DLK2: variants seen among roughly 807,000 people sequenced by gnomAD.
DLK2 encodes the protein protein delta homolog 2.
A neutral mutation model predicts 31.3 loss-of-function variants in DLK2; 9 were observed. That is an observed-to-expected ratio of 0.29 (90% CI 0.17 to 0.50). The LOEUF (loss-of-function observed/expected upper bound fraction) is 0.50, where lower values mean the gene tolerates loss of function less well. Among genes scored for constraint, DLK2 ranks in the 20% least tolerant of loss-of-function variants. The pLI is 0.98. For synonymous variants in DLK2, 169 were observed against 201.2 expected, an observed-to-expected ratio of 0.84 and a Z score of 1.35; for missense variants, 387 against 526.1, an observed-to-expected ratio of 0.74 and a Z score of 2.59.
In DLK2 at chr6:43,450,440, C is replaced by T; in HGVS notation, c.*99G>A. The T allele has an allele frequency of 3.7e-6, 5 of 1,365,444 alleles. No individual in the cohort carries two copies. The highest frequency in any genetic ancestry group is 4.8e-5 in the East Asian group (2 of 41,704). 84.6% of individuals were successfully genotyped at this position (1,365,444 alleles called of 1,614,324 possible). A position where few individuals can be genotyped will look rare whatever the true frequency, so the allele number is the denominator to read the frequency against. On this transcript the variant is annotated 3_prime_UTR_variant, in exon 6 of 6. Transcript: ENST00000372488. The surrounding 1 kb of genome is among the most constrained non-coding windows in gnomAD (Gnocchi z 4.5). ...ATTTCTGGTGTGAGGCTGAGGTCTC[C>T]TCTGTGTGTGTACCCAAGCTGAAGG... is the stretch of plus-strand genomic sequence containing the variant.
intron 4 of DLK2, 97 bp downstream of exon 4, chr6:43,452,908 G>T: frequency 6.6e-7 from 1 of 1,524,860 alleles, no homozygotes; most frequent in Non-Finnish European, 8.9e-7. Context: ...GTATTTGAGG[G>T]TTTGACAAGG....
upstream of DLK2, chr6:43,456,589 C>A: frequency 6.6e-6 from 1 of 152,196 alleles, no homozygotes; most frequent in East Asian, 1.9e-4. Context: ...GTGGTGCGCG[C>A]CTGTAATCCC....
chr6:43,450,693 C>G lies in DLK2; in HGVS notation c.998G>C (p.Arg333Pro), dbSNP rs371794983. The G allele has an allele frequency of 6.2e-7, 1 of 1,613,858 alleles. No individual in the cohort carries two copies. The highest frequency in any genetic ancestry group is 8.5e-7 in the Non-Finnish European group (1 of 1,179,924). Residue 333 changes from arginine (R) to proline (P), a missense_variant, in exon 6 of 6, where the codon CGC (arginine) becomes CCC (proline). By Grantham distance (103) the Arg-to-Pro change is moderately radical. Transcript: ENST00000372488. This position sits in a 1 kb window ranked among gnomAD's most constrained non-coding sequence, Gnocchi z 4.5. ...GGGTCCAGGGGGGCAGACACCCCGG[C>G]GCCAGGCCCTCAGGGTCAGCAACAC... is the stretch of plus-strand genomic sequence containing the variant. Reference protein sequence around the residue: ...ATVLLTLRAWRRGVCPPGPCC... With the variant: ...ATVLLTLRAWPRGVCPPGPCC...
intron 3 of DLK2, among the ~76,000 whole-genome samples, chr6:43,454,110 T>A (rs576989762): frequency 6.6e-6 from 1 of 152,214 alleles, no homozygotes; most frequent in African/African-American, 2.4e-5. Context: ...TTTCCCTTTT[T>A]CCTTTATCTT....
rs1783752638 is a variant in DLK2 at position 43,451,726 on chromosome 6, C to T, written c.416+214G>A. On this transcript the variant is annotated intron_variant, in intron 5 of 5. Transcript: ENST00000372488. The surrounding 1 kb of genome is among the most constrained non-coding windows in gnomAD (Gnocchi z 4.4). ...CACACGTTTGTTACCCCTCTAGCTC[C>T]TATAGATTGTTGAAGAAATGGCTCA... Among the ~76,000 whole-genome samples, 1 of 152,042 alleles carries T rather than the reference C, an allele frequency of 6.6e-6. No homozygotes were observed. The highest frequency in any genetic ancestry group is 2.1e-4 in the South Asian group (1 of 4,822).
chr6:43,454,996 G>C, intron 1 of DLK2, 116 bp from the exon 2 acceptor site: 1 of 1,416,890 alleles, frequency 7.1e-7, no homozygotes, highest in South Asian at 1.4e-5. Flanking sequence ...GAAGGGGATG[G>C]GGGTAGCGGG....
At chr6:43,455,629 C>G (rs1191105518), upstream of DLK2, 1 of 134,622 alleles carries the variant, frequency 7.4e-6, no homozygotes, top group African/African-American at 2.7e-5. Context: ...GGAGCCCGCC[C>G]CCACCCCCAT....
chr6:43,452,886 A>G (rs754344676), intron 4 of DLK2, 119 bp downstream of exon 4: 49 of 1,427,842 alleles, frequency 3.4e-5, no homozygotes, highest in Non-Finnish European at 4.7e-5. Context: ...TAAAAAAATG[A>G]TAAAATACCA....
At position 43,451,849 on chromosome 6, in the gene DLK2, C is replaced by A; in HGVS notation, c.416+91G>T. On this transcript the variant is annotated intron_variant, in intron 5 of 5. Coordinates refer to ENST00000372488, the MANE Select transcript of DLK2 (RefSeq NM_023932.4). This position sits in a 1 kb window ranked among gnomAD's most constrained non-coding sequence, Gnocchi z 4.4. ...TCCCCGTGTGGGTCTGACTCTCAGT[C>A]CCCCACCCTCCCAACAGTCCTGCCT... The A allele has an allele frequency of 1.3e-6, 2 of 1,528,798 alleles. No individual in the cohort carries two copies. Among genetic ancestry groups the A allele is most frequent in the Non-Finnish European group, 1.8e-6 (2 of 1,137,884 alleles). 94.7% of individuals were successfully genotyped at this position (1,528,798 alleles called of 1,614,324 possible).
chr6:43,455,277 G>GCCCCCCCCCCCCCCCCCCC (rs572751222), intron 1 of DLK2, 118 bp downstream of exon 1: 1 of 128,098 alleles, frequency 7.8e-6, no homozygotes, highest in Non-Finnish European at 1.6e-5. Context: ...AGCTCCGACA[G>GCCCCCCCCCCCCCCCCCCC]CCCCCCCCCC....
chr6:43,452,236 A>C, intron 4 of DLK2, 152 bp from the exon 5 acceptor site: 2 of 1,155,140 alleles, frequency 1.7e-6, no homozygotes, highest in Non-Finnish European at 2.4e-6. Flanking sequence ...AGAGACAACA[A>C]CACTGAATTT....
rs141543597 is a variant in DLK2, at chr6:43,450,909, T to A, written c.782A>T (p.Asp261Val). ...AGCTGAGGTGGGCCCTAGAGGGGTG[T>A]CCACTGTGGTTGGGGGGTCTGGGAC... Reference protein sequence around the residue: ...LPVPDPPTTVDTPLGPTSAVV... With the variant: ...LPVPDPPTTVVTPLGPTSAVV... The change falls in exon 6 of 6, where the codon GAC (aspartate) becomes GTC (valine). Residue 261 changes from aspartate to valine, a missense_variant. Coordinates refer to ENST00000372488, the MANE Select transcript of DLK2 (RefSeq NM_023932.4). This position sits in a 1 kb window ranked among gnomAD's most constrained non-coding sequence, Gnocchi z 4.5. 239 of 1,614,110 alleles carry A rather than the reference T, an allele frequency of 1.5e-4. No individual in the cohort carries two copies. Among genetic ancestry groups the A allele is most frequent in the African/African-American group, 8.7e-4 (65 of 75,044 alleles).
Position 43,453,531 on chromosome 6 carries a change from G to A in DLK2, c.141-396C>T, listed in dbSNP as rs1168111689. Among the ~76,000 whole-genome samples the A allele has an allele frequency of 6.6e-6, 1 of 152,216 alleles. No individual in the cohort carries two copies. The highest frequency in any genetic ancestry group is 1.5e-5 in the Non-Finnish European group (1 of 68,038). On this transcript the variant is annotated intron_variant, in intron 3 of 5. Coordinates refer to ENST00000372488, the MANE Select transcript of DLK2 (RefSeq NM_023932.4). The surrounding 1 kb of genome is among the most constrained non-coding windows in gnomAD (Gnocchi z 4.1). ...TCAGGGCCGGGGCGTGGTTGCTCAC[G>A]CCTGTAATCCCAGCACTTTGGGAGG...
At chr6:43,454,497 G>T in intron 2 of DLK2, 23 bp from the exon 3 acceptor site, 1 of 1,578,482 alleles carries the variant, frequency 6.3e-7, no homozygotes, top group South Asian at 1.2e-5. Flanking sequence ...GATGTGGGAG[G>T]GGTGAGTCTG....
rs1304139828 is a variant in DLK2, at chr6:43,451,641, G to T, written c.416+299C>A. 6.6e-6 allele frequency among the ~76,000 whole-genome samples: 1 copy of T among 152,110 alleles called. No individual in the cohort carries two copies. ...GGGTGCAAGCCAGCGTTCAGGAGAGGATGAGGAGAGACCCAGGCCCTTCAG... is the reference window on the plus strand; with the variant it reads ...GGGTGCAAGCCAGCGTTCAGGAGAGTATGAGGAGAGACCCAGGCCCTTCAG... On this transcript the variant is annotated intron_variant, in intron 5 of 5. Transcript: ENST00000372488. This position sits in a 1 kb window ranked among gnomAD's most constrained non-coding sequence, Gnocchi z 4.4.
chr6:43,454,639 C>T, intron 2 of DLK2, 111 bp downstream of exon 2: 1 of 1,426,596 alleles, frequency 7.0e-7, no homozygotes, highest in Admixed American at 2.1e-5. Flanking sequence ...CTCGGTCTTG[C>T]TTGCCCCGCG....
At position 43,453,920 on chromosome 6, in the gene DLK2, T is replaced by C. The variant is rs988672029; in HGVS notation, c.140+491A>G. Among the ~76,000 whole-genome samples, 9 of 152,302 alleles carry C rather than the reference T, an allele frequency of 5.9e-5. No individual in the cohort carries two copies. Among genetic ancestry groups the C allele is most frequent in the African/African-American group, 1.9e-4 (8 of 41,576 alleles). ...AAGAGTCTCAAAGACCCCCAGCCAA[T>C]TGAACTACCTGCCTCATCAACTCAT... On this transcript the variant is annotated intron_variant, in intron 3 of 5. Coordinates refer to ENST00000372488, the MANE Select transcript of DLK2 (RefSeq NM_023932.4). This position sits in a 1 kb window ranked among gnomAD's most constrained non-coding sequence, Gnocchi z 4.1.
chr6:43,454,696 G>A, intron 2 of DLK2, 54 bp downstream of exon 2: 1 of 1,531,786 alleles, frequency 6.5e-7, no homozygotes, highest in Non-Finnish European at 8.8e-7. Flanking sequence ...AGGTCAACGT[G>A]CAAGCGAGGA....
chr6:43,451,504 G>T lies in DLK2; in HGVS notation c.417-230C>A, dbSNP rs1370625910. Among the ~76,000 whole-genome samples the T allele has an allele frequency of 6.6e-6, 1 of 152,244 alleles. No homozygotes were observed. Among genetic ancestry groups the T allele is most frequent in the Non-Finnish European group, 1.5e-5 (1 of 68,038 alleles). ...TAGCACAGGGCCCAGCCAGAAGGCA[G>T]GGCTCAGGGTAAGTGTGCTATTATT... On this transcript the variant is annotated intron_variant, in intron 5 of 5. Transcript: ENST00000372488. The surrounding 1 kb of genome is among the most constrained non-coding windows in gnomAD (Gnocchi z 4.4).
Sources: allele counts gnomAD v4.1 joint callset (sites outside exome capture counted in the v4.1 genomes callset), GRCh38; gene constraint gnomAD v4.1.1; non-coding constraint Gnocchi (gnomAD v3.1); transcripts MANE v1.5; gene names NCBI Gene and HGNC (gene_info 2026-07-23, HGNC 2026-07-21).